MACROD1: variants seen among roughly 807,000 people sequenced by gnomAD.
MACROD1 encodes mono-ADP ribosylhydrolase 1.
MACROD1 carries 31 observed loss-of-function variants against 41.4 expected under a neutral mutation model. That is an observed-to-expected ratio of 0.75 (90% confidence interval 0.56 to 1.01). MACROD1 has a LOEUF of 1.01. Ranked by LOEUF, MACROD1 falls within the 50% of genes least tolerant of loss-of-function variation. The probability of loss-of-function intolerance (pLI) is 0.00; values close to 1 mark genes in which losing one functional copy is unlikely to be tolerated. For missense variants in MACROD1, 473 were observed against 460.0 expected (o/e 1.03, Z -0.26); for synonymous variants, 252 against 203.4 (o/e 1.24, Z -2.03).
intron 3 of MACROD1, among the ~76,000 whole-genome samples, chr11:64,125,568 C>T (rs566522045): frequency 2.9e-4 from 44 of 152,356 alleles, no homozygotes; most frequent in African/African-American, 4.8e-4. Context: ...GCTCCTGCCC[C>T]GCCAGCAGCT....
At chr11:64,004,877 C>T (rs1942884349) in intron 4 of MACROD1, among the ~76,000 whole-genome samples, 2 of 151,780 alleles carry the variant, frequency 1.3e-5, no homozygotes, top group South Asian at 4.2e-4. Flanking sequence ...TAGTAAGACC[C>T]CATCTCAAAG....
At chr11:64,021,787 G>A (rs901175710) in intron 3 of MACROD1, among the ~76,000 whole-genome samples, 3 of 152,032 alleles carry the variant, frequency 2.0e-5, no homozygotes, top group African/African-American at 7.2e-5. Context: ...TGTGCCAGGC[G>A]CTGGGACACG....
intron 3 of MACROD1, among the ~76,000 whole-genome samples, chr11:64,049,282 AGGGACT>A (rs1268966295): frequency 6.6e-6 from 1 of 152,124 alleles, no homozygotes; most frequent in Non-Finnish European, 1.5e-5. Flanking sequence ...GAAGCGAAAA[AGGGACT>A]GGCCCAGGAT....
chr11:64,085,189 G>A (rs908031347), intron 3 of MACROD1, among the ~76,000 whole-genome samples: 6 of 152,160 alleles, frequency 3.9e-5, no homozygotes, highest in Admixed American at 2.0e-4. Context: ...GGAGGAGCAC[G>A]CCCGAGTGGA....
intron 3 of MACROD1, among the ~76,000 whole-genome samples, chr11:64,017,770 C>T (rs12421758): frequency 0.2 from 30,414 of 151,914 alleles, 3,857 homozygotes; most frequent in Non-Finnish European, 0.27. Flanking sequence ...CTGCCCTCCT[C>T]GGGACCCCCC....
intron 3 of MACROD1, among the ~76,000 whole-genome samples, chr11:64,107,729 C>G (rs983706693): frequency 2.6e-5 from 4 of 152,210 alleles, no homozygotes; most frequent in Admixed American, 2.6e-4. Context: ...TGGCTGGCAC[C>G]CTGCCCTGGC....
At chr11:64,164,250 G>A (rs1018301118) in intron 1 of MACROD1, among the ~76,000 whole-genome samples, 6 of 152,202 alleles carry the variant, frequency 3.9e-5, no homozygotes, top group African/African-American at 1.4e-4. Flanking sequence ...CCACCTCGAA[G>A]CAAAAGGGAG....
chr11:64,117,008 A>G (rs1192652040), intron 3 of MACROD1: 5 of 1,612,360 alleles, frequency 3.1e-6, no homozygotes, highest in Middle Eastern at 3.3e-4. Context: ...TCAGCCGCCT[A>G]CAGAACCTCA....
In MACROD1 at chr11:64,118,160, A is replaced by G. The variant is rs4379854; in HGVS notation, c.517+33079T>C. On this transcript the variant is annotated intron_variant, in intron 3 of 10. Coordinates refer to ENST00000255681, the MANE Select transcript of MACROD1 (RefSeq NM_014067.4). ...CCATCAACCCGTACCGCGCCAAAGA[A>G]GAGTACGTGGTCCACACTATCTTCC... 1,601,383 of 1,613,808 alleles carry G rather than the reference A, an allele frequency of 0.99. 795,342 individuals carry two copies. Among genetic ancestry groups the G allele is most frequent in the East Asian group, 1 (44,889 of 44,890 alleles).
At chr11:64,022,218 G>T (rs762316378) in intron 3 of MACROD1, among the ~76,000 whole-genome samples, 1 of 151,986 alleles carries the variant, frequency 6.6e-6, no homozygotes, top group Non-Finnish European at 1.5e-5. Flanking sequence ...GAAGGGACTG[G>T]GGGCACAGGC....
chr11:64,114,529 G>A (rs1328058963), intron 3 of MACROD1, among the ~76,000 whole-genome samples: 1 of 130,748 alleles, frequency 7.6e-6, no homozygotes, highest in Non-Finnish European at 1.7e-5. Context: ...GGATGGACAG[G>A]TGGATGTATG....
intron 3 of MACROD1, among the ~76,000 whole-genome samples, chr11:64,041,133 C>T (rs1271737396): frequency 5.5e-5 from 8 of 146,606 alleles, no homozygotes; most frequent in African/African-American, 1.3e-4. Flanking sequence ...ATTTTTTTCA[C>T]GCCCCTTTCC....
At chr11:64,060,023 C>T (rs1181840129) in intron 3 of MACROD1, among the ~76,000 whole-genome samples, 4 of 152,220 alleles carry the variant, frequency 2.6e-5, no homozygotes, top group Admixed American at 2.6e-4. Context: ...GCCCCCCTCC[C>T]ACACGGCAGG....
intron 3 of MACROD1, among the ~76,000 whole-genome samples, chr11:64,143,390 C>A (rs1945440916): frequency 6.6e-6 from 1 of 152,068 alleles, no homozygotes; most frequent in African/African-American, 2.4e-5. Flanking sequence ...GCAACGTGTG[C>A]AGCGTGTTGA....
At chr11:64,034,528 C>T (rs984489193) in intron 3 of MACROD1, among the ~76,000 whole-genome samples, 1 of 152,132 alleles carries the variant, frequency 6.6e-6, no homozygotes, top group African/African-American at 2.4e-5. Context: ...CAAAGACAGG[C>T]GCATGCAGAG....
intron 3 of MACROD1, among the ~76,000 whole-genome samples, chr11:64,071,825 G>GGC (rs1164662514): frequency 6.6e-6 from 1 of 152,138 alleles, no homozygotes; most frequent in Non-Finnish European, 1.5e-5. Flanking sequence ...ATCTTTAAGG[G>GGC]GCATCGAGAC....
chr11:64,159,657 G>A (rs1258853119), intron 1 of MACROD1, among the ~76,000 whole-genome samples: 1 of 151,832 alleles, frequency 6.6e-6, no homozygotes, highest in East Asian at 1.9e-4. Context: ...AGCCGGGCAT[G>A]GGGGCGCATG....
At chr11:64,034,394 T>C in intron 3 of MACROD1, among the ~76,000 whole-genome samples, 1 of 152,126 alleles carries the variant, frequency 6.6e-6, no homozygotes. Context: ...GTTTGGGCAA[T>C]AAATAAAAAT....
intron 3 of MACROD1, among the ~76,000 whole-genome samples, chr11:64,079,055 G>A (rs1229414313): frequency 1.3e-5 from 2 of 151,940 alleles, no homozygotes; most frequent in South Asian, 2.1e-4. Flanking sequence ...GCCGCTGTGC[G>A]GACAGACCGG....
Sources: allele counts gnomAD v4.1 joint callset (sites outside exome capture counted in the v4.1 genomes callset), GRCh38; gene constraint gnomAD v4.1.1; transcripts MANE v1.5; gene names NCBI Gene and HGNC (gene_info 2026-07-23, HGNC 2026-07-21).